TMEM184B: variants seen among roughly 807,000 people sequenced by gnomAD.
The protein encoded by TMEM184B is transmembrane protein 184B.
A neutral mutation model predicts 41.8 loss-of-function variants in TMEM184B; 17 were observed. That is an observed-to-expected ratio of 0.41 (90% CI 0.28 to 0.61). The LOEUF (loss-of-function observed/expected upper bound fraction) is 0.61, where lower values mean the gene tolerates loss of function less well. Among genes scored for constraint, TMEM184B ranks in the 20% least tolerant of loss-of-function variants. The pLI is 0.34. For synonymous variants in TMEM184B, 240 were observed against 229.5 expected, an observed-to-expected ratio of 1.05 and a Z score of -0.41; for missense variants, 393 against 557.8, an observed-to-expected ratio of 0.70 and a Z score of 2.98.
chr22:38,266,512 G>C lies in TMEM184B; in HGVS notation c.-59+6372C>G, dbSNP rs2092446024. 2.0e-5 allele frequency among the ~76,000 whole-genome samples: 3 copies of C among 152,160 alleles called. No homozygotes were observed. In the South Asian group the frequency reaches 6.2e-4, roughly 32 times the overall value. ...ACCACTGCTGCAACGGTGCCGTCCA[G>C]CTAAAAAAAAGGCTGAAGACCTCAT... On this transcript the variant is annotated intron_variant, in intron 1 of 8. Coordinates refer to ENST00000361906, the MANE Select transcript of TMEM184B (RefSeq NM_012264.5).
intron 1 of TMEM184B, among the ~76,000 whole-genome samples, chr22:38,256,547 C>G (rs932928235): frequency 6.6e-6 from 1 of 152,124 alleles, no homozygotes; most frequent in African/African-American, 2.4e-5. Context: ...TTATTGATTG[C>G]TTTTCCACAA....
At chr22:38,245,286 G>A (rs1347747593) in intron 3 of TMEM184B, among the ~76,000 whole-genome samples, 2 of 152,072 alleles carry the variant, frequency 1.3e-5, no homozygotes, top group African/African-American at 2.4e-5. Context: ...ATTGAGAAGC[G>A]AGACCCAGGG....
intron 2 of TMEM184B, chr22:38,246,955 A>G: frequency 9.3e-7 from 1 of 1,075,916 alleles, no homozygotes; most frequent in South Asian, 1.4e-5. Flanking sequence ...AATGGGTTCT[A>G]AAAGGGATGG....
chr22:38,218,065 T>A (rs1027364755), downstream of TMEM184B, among the ~76,000 whole-genome samples: 1 of 152,186 alleles, frequency 6.6e-6, no homozygotes, highest in African/African-American at 2.4e-5. Flanking sequence ...TCAGAGTAAT[T>A]TTTCCAGCAC....
At chr22:38,231,535 C>G in intron 3 of TMEM184B, 2 of 696,516 alleles carry the variant, frequency 2.9e-6, no homozygotes, top group Non-Finnish European at 5.3e-6. Context: ...CAAAACCCGG[C>G]ACACCTAAAT....
chr22:38,239,673 C>T lies in TMEM184B; in HGVS notation c.358+6262G>A, dbSNP rs4820328. Among the ~76,000 whole-genome samples, 87,958 of 152,042 alleles carry T rather than the reference C, an allele frequency of 0.58. 27,347 individuals carry two copies. The highest frequency in any genetic ancestry group is 0.82 in the African/African-American group (34,049 of 41,498). On this transcript the variant is annotated intron_variant, in intron 3 of 8. Coordinates refer to ENST00000361906, the MANE Select transcript of TMEM184B (RefSeq NM_012264.5). This position sits in a 1 kb window ranked among gnomAD's most constrained non-coding sequence, Gnocchi z 4.6. Reference sequence around the variant, plus strand: ...CTGAGACAGCTCTATCCTCAGAACACGGTCCAGCTGAGGGCAGTAATGGGA... The same window carrying T: ...CTGAGACAGCTCTATCCTCAGAACATGGTCCAGCTGAGGGCAGTAATGGGA...
At chr22:38,228,152 G>T (rs1265972728) in intron 5 of TMEM184B, among the ~76,000 whole-genome samples, 2 of 152,176 alleles carry the variant, frequency 1.3e-5, no homozygotes, top group Non-Finnish European at 2.9e-5. Flanking sequence ...CCGCGTGATG[G>T]GGCAGACGTG....
In TMEM184B at chr22:38,272,823, C is replaced by G. The variant is rs888113496; in HGVS notation, c.-59+61G>C. Reference sequence around the variant, plus strand: ...GGCCTCTCCGAAACAAGCAGCCCCCCGCGCTCGGGAGTCGCAGCTCCCCCT... The same window carrying G: ...GGCCTCTCCGAAACAAGCAGCCCCCGGCGCTCGGGAGTCGCAGCTCCCCCT... On this transcript the variant is annotated intron_variant, in intron 1 of 8. Transcript: ENST00000361906. 4.1e-6 allele frequency: 4 copies of G among 984,848 alleles called. No individual in the cohort carries two copies. In the South Asian group the frequency reaches 1.9e-4, roughly 46 times the overall value. 61.0% of individuals were successfully genotyped at this position (984,848 alleles called of 1,614,324 possible). A position where few individuals can be genotyped will look rare whatever the true frequency, so the allele number is the denominator to read the frequency against.
At chr22:38,231,390 T>C (rs376953326) in intron 3 of TMEM184B, 56 bp from the exon 4 acceptor site, 20 of 1,409,636 alleles carry the variant, frequency 1.4e-5, no homozygotes, top group South Asian at 1.0e-4. Context: ...GGTCCGCAGA[T>C]GCTGGGATTC....
intron 1 of TMEM184B, among the ~76,000 whole-genome samples, chr22:38,249,057 C>T (rs996620250): frequency 5.3e-5 from 8 of 152,204 alleles, no homozygotes; most frequent in South Asian, 2.1e-4. Flanking sequence ...TCCGCATCCT[C>T]GAACACGCGG....
chr22:38,238,527 A>G (rs569105373), intron 3 of TMEM184B, among the ~76,000 whole-genome samples: 3 of 152,306 alleles, frequency 2.0e-5, no homozygotes, highest in Admixed American at 6.5e-5. Flanking sequence ...CCTGGCCACT[A>G]TCGAGGTCTT....
chr22:38,250,479 T>C (rs2092138785), intron 1 of TMEM184B, among the ~76,000 whole-genome samples: 1 of 152,202 alleles, frequency 6.6e-6, no homozygotes, highest in South Asian at 2.1e-4. Context: ...TGGCAAGCTT[T>C]GAAAAAGAGA....
At chr22:38,217,843 A>AAAAAAG (rs1555889280), downstream of TMEM184B, among the ~76,000 whole-genome samples, 323 of 136,168 alleles carry the variant, frequency 2.4e-3, 1 homozygote, top group African/African-American at 0.01. Context: ...AAAAAAAAAA[A>AAAAAAG]AAAAGAAAAG....
intron 8 of TMEM184B, 116 bp downstream of exon 8, chr22:38,224,669 G>A: frequency 9.5e-7 from 1 of 1,049,580 alleles, no homozygotes. Context: ...TATAGAGTGG[G>A]GATCCCATGT....
At chr22:38,248,991 C>T (rs1245077713) in intron 1 of TMEM184B, among the ~76,000 whole-genome samples, 12 of 152,154 alleles carry the variant, frequency 7.9e-5, no homozygotes, top group Admixed American at 7.9e-4. Context: ...GCCCATGTGC[C>T]ACCCCTCCTG....
At chr22:38,244,898 C>T (rs1234834588) in intron 3 of TMEM184B, among the ~76,000 whole-genome samples, 1 of 152,246 alleles carries the variant, frequency 6.6e-6, no homozygotes, top group Non-Finnish European at 1.5e-5. Flanking sequence ...ATGAGAGCAG[C>T]ATCCTGGTCT....
chr22:38,272,255 G>T (rs1369058959), intron 1 of TMEM184B, among the ~76,000 whole-genome samples: 1 of 152,158 alleles, frequency 6.6e-6, no homozygotes, highest in Non-Finnish European at 1.5e-5. Flanking sequence ...GGTACCAAGG[G>T]TGTGCCCAGG....
chr22:38,221,145 C>T lies in TMEM184B; in HGVS notation c.*324G>A. On this transcript the variant is annotated 3_prime_UTR_variant, in exon 9 of 9. Transcript: ENST00000361906. ...AGAAGGCTGCAGCCGCTGGTCCACA[C>T]ACAAGCATTGGGGCCTGGGTGCGGC... is the stretch of plus-strand genomic sequence containing the variant. The T allele has an allele frequency of 8.5e-7, 1 of 1,180,180 alleles. No homozygotes were observed. The highest frequency in any genetic ancestry group is 1.1e-6 in the Non-Finnish European group (1 of 951,242). The allele number at this position is 1,180,180 out of a possible 1,614,324, so 73.1% of individuals were successfully genotyped here. A position where few individuals can be genotyped will look rare whatever the true frequency, so the allele number is the denominator to read the frequency against.
rs1333698491 is a variant in TMEM184B at position 38,224,797 on chromosome 22, G to A, written c.970C>T (p.Leu324=). 8 of 1,601,992 alleles carry A rather than the reference G, an allele frequency of 5.0e-6. No individual in the cohort carries two copies. Among genetic ancestry groups the A allele is most frequent in the Middle Eastern group, 1.7e-4 (1 of 5,942 alleles). ...FTYKVYADKR[L]DAQGRCAPMK... is the part of the protein sequence containing the mutation. ...CCCTGGCTCATACCTTGTGCGTCCA[G>A]CCTCTTGTCAGCATAGACCTTGTAG... Residue 324 remains leucine, a synonymous_variant, in exon 8 of 9, where the codon CTG becomes TTG. Coordinates refer to ENST00000361906, the MANE Select transcript of TMEM184B (RefSeq NM_012264.5).
Sources: allele counts gnomAD v4.1 joint callset (sites outside exome capture counted in the v4.1 genomes callset), GRCh38; gene constraint gnomAD v4.1.1; non-coding constraint Gnocchi (gnomAD v3.1); transcripts MANE v1.5; gene names NCBI Gene and HGNC (gene_info 2026-07-23, HGNC 2026-07-21).